ZZEF1: variants seen among roughly 807,000 people sequenced by gnomAD.
ZZEF1 encodes the protein zinc finger ZZ-type and EF-hand domain containing 1.
ZZEF1 carries 157 observed loss-of-function variants against 342.8 expected under a neutral mutation model. That is an observed-to-expected ratio of 0.46 (90% CI 0.40 to 0.52). The LOEUF is 0.52. Among genes scored for constraint, ZZEF1 ranks in the 20% least tolerant of loss-of-function variants. The pLI is 0.00. For synonymous variants in ZZEF1, 1,505 were observed against 1,429.1 expected (o/e 1.05, Z -1.20); for missense variants, 3,480 against 3,725.6 (o/e 0.93, Z 1.72).
intron 38 of ZZEF1, 131 bp downstream of exon 38, chr17:4,044,093 G>A: frequency 1.1e-6 from 1 of 927,680 alleles, no homozygotes; most frequent in Non-Finnish European, 1.7e-6. Context: ...AGCACCATCT[G>A]AACAGAACTG....
chr17:4,105,662 C>G (rs746351789), intron 7 of ZZEF1, 31 bp downstream of exon 7: 1 of 1,502,552 alleles, frequency 6.7e-7, no homozygotes, highest in South Asian at 1.2e-5. Flanking sequence ...CCATTCCTCA[C>G]AGAGTTTACC....
intron 4 of ZZEF1, among the ~76,000 whole-genome samples, chr17:4,113,137 ACT>A (rs1250294239): frequency 1.3e-5 from 2 of 152,186 alleles, no homozygotes; most frequent in African/African-American, 4.8e-5. Context: ...AACTGAGTAT[ACT>A]CTCTCATCTA....
Position 4,109,699 on chromosome 17 carries a change from T to C in ZZEF1, c.1231A>G (p.Met411Val), listed in dbSNP as rs747545522. The C allele has an allele frequency of 6.2e-7, 1 of 1,614,132 alleles. No individual in the cohort carries two copies. The change falls in exon 6 of 55, where the codon ATG becomes GTG. Residue 411 changes from methionine (M) to valine (V), a missense_variant. By Grantham distance (21) the Met-to-Val change is conservative. Coordinates refer to ENST00000381638, the MANE Select transcript of ZZEF1 (RefSeq NM_015113.4). ...SLLTSLVTASMETNPAFVQTV... is the reference protein window; with the variant it reads ...SLLTSLVTASVETNPAFVQTV... ...TGGACAAAGGCGGGATTTGTCTCCATAGAAGCCGTCACCAGAGATGTCAGC... is the reference window on the plus strand; with the variant it reads ...TGGACAAAGGCGGGATTTGTCTCCACAGAAGCCGTCACCAGAGATGTCAGC...
intron 1 of ZZEF1, among the ~76,000 whole-genome samples, chr17:4,132,467 G>A (rs9889603): frequency 6.6e-6 from 1 of 152,048 alleles, no homozygotes; most frequent in Non-Finnish European, 1.5e-5. Flanking sequence ...GGGAGGTCAA[G>A]GTGGGCGGTT....
At chr17:4,128,245 G>A (rs2058604150) in intron 1 of ZZEF1, among the ~76,000 whole-genome samples, 1 of 150,982 alleles carries the variant, frequency 6.6e-6, no homozygotes, top group Admixed American at 6.6e-5. Flanking sequence ...CTACTCAGGA[G>A]GCTGCAGCAC....
intron 39 of ZZEF1, among the ~76,000 whole-genome samples, chr17:4,035,732 A>C (rs1265258317): frequency 1.3e-5 from 2 of 152,212 alleles, no homozygotes; most frequent in South Asian, 2.1e-4. Context: ...GAGTGTTGCC[A>C]CTGAGTAGCA....
At chr17:4,027,126 A>ATC (rs1020163080) in intron 42 of ZZEF1, among the ~76,000 whole-genome samples, 1 of 151,444 alleles carries the variant, frequency 6.6e-6, no homozygotes, top group Admixed American at 6.6e-5. Context: ...ATCTCTTGAA[A>ATC]TCTCTCTCTC....
intron 46 of ZZEF1, 27 bp downstream of exon 46, chr17:4,019,642 C>A (rs2056213883): frequency 6.3e-7 from 1 of 1,598,646 alleles, no homozygotes; most frequent in South Asian, 1.1e-5. Flanking sequence ...CCTGGCCACA[C>A]TTCAGCTGCA....
Position 4,072,639 on chromosome 17 carries a change from C to T in ZZEF1, c.3803G>A (p.Trp1268Ter), listed in dbSNP as rs1435183808. The T allele has an allele frequency of 6.2e-7, 1 of 1,613,674 alleles. No individual in the cohort carries two copies. ...VCPELELEAS[W>*]PTHPHRNSKE... ...ACTATTCCGGTGTGGGTGAGTGGGCCAGCTTGCTTCTAATTCCAACTCTGG... is the reference window on the plus strand; with the variant it reads ...ACTATTCCGGTGTGGGTGAGTGGGCTAGCTTGCTTCTAATTCCAACTCTGG... Residue 1268 changes from tryptophan (W) to a stop codon, truncating the protein, a stop_gained, in exon 25 of 55, where the codon TGG (tryptophan) becomes TAG (stop). Coordinates refer to ENST00000381638, the MANE Select transcript of ZZEF1 (RefSeq NM_015113.4). LOFTEE classifies it high-confidence loss of function.
At chr17:4,134,813 C>T (rs918756664) in intron 1 of ZZEF1, among the ~76,000 whole-genome samples, 7 of 152,026 alleles carry the variant, frequency 4.6e-5, no homozygotes, top group South Asian at 2.1e-4. Context: ...CAGGGAGGGG[C>T]GTTAGGGGAA....
rs1302810902 is a variant in ZZEF1, at chr17:4,075,127, G to A, written c.3453C>T (p.Asp1151=). Reference sequence around the variant, plus strand: ...GCCATTTATCAGTGCCAACTTTTGTGTCATAGCGTGTTTTCCGACCTCTAG... The same window carrying A: ...GCCATTTATCAGTGCCAACTTTTGTATCATAGCGTGTTTTCCGACCTCTAG... ...TDARGRKTRY[D]TKVGTDKWPK... Residue 1151 remains aspartate, a synonymous_variant, in exon 23 of 55, where the codon GAC becomes GAT. Coordinates refer to ENST00000381638, the MANE Select transcript of ZZEF1 (RefSeq NM_015113.4). 1 of 1,614,216 alleles carries A rather than the reference G, an allele frequency of 6.2e-7. No homozygotes were observed. The highest frequency in any genetic ancestry group is 2.2e-5 in the East Asian group (1 of 44,890).
chr17:4,017,811 T>A lies in ZZEF1; in HGVS notation c.7641+25A>T. 6.2e-7 allele frequency: 1 copy of A among 1,614,120 alleles called. No individual in the cohort carries two copies. The highest frequency in any genetic ancestry group is 8.5e-7 in the Non-Finnish European group (1 of 1,180,030). ...GGGTGGGGGATGGGGTGCAGATACT[T>A]TGGGTCCGAGGTCGGGTGACATACC... On this transcript the variant is annotated intron_variant, in intron 47 of 54. Transcript: ENST00000381638. The surrounding 1 kb of genome is among the most constrained non-coding windows in gnomAD (Gnocchi z 5.1).
In ZZEF1 at chr17:4,057,991, T is replaced by C. The variant is rs2057202288; in HGVS notation, c.5165+3A>G. The C allele has an allele frequency of 6.2e-7, 1 of 1,614,068 alleles. No homozygotes were observed. The highest frequency in any genetic ancestry group is 2.2e-5 in the East Asian group (1 of 44,886). On this transcript the variant is annotated splice_donor_region_variant and intron_variant, in intron 32 of 54. Coordinates refer to ENST00000381638, the MANE Select transcript of ZZEF1 (RefSeq NM_015113.4). ...ACTGCAGAGCGCAGGACCGTGCTCTTACCTGATCACACTGTCATGGACACT... is the reference window on the plus strand; with the variant it reads ...ACTGCAGAGCGCAGGACCGTGCTCTCACCTGATCACACTGTCATGGACACT...
rs1334641755 is a variant in ZZEF1, at chr17:4,052,126, C to T, written c.5445G>A (p.Lys1815=). Residue 1815 remains lysine, a synonymous_variant, in exon 35 of 55, where the codon AAG becomes AAA. Transcript: ENST00000381638. ...CATGGTCGTCTCCGTGGCCCTCAGG[C>T]TTCACCCCACCTGAGGAGAAACACA... ...LCKTCFLGGV[K]PEGHGDDHEM... The T allele has an allele frequency of 4.3e-6, 7 of 1,612,180 alleles. No homozygotes were observed. The highest frequency in any genetic ancestry group is 5.1e-6 in the Non-Finnish European group (6 of 1,179,116).
At chr17:4,063,019 A>C (rs923483381) in intron 29 of ZZEF1, 102 bp from the exon 30 acceptor site, 9 of 1,240,718 alleles carry the variant, frequency 7.3e-6, no homozygotes, top group Non-Finnish European at 9.8e-6. Context: ...CAAAGAGGAA[A>C]CACTATTGTG....
At chr17:4,080,925 T>C (rs531006537) in intron 18 of ZZEF1, among the ~76,000 whole-genome samples, 2 of 152,300 alleles carry the variant, frequency 1.3e-5, no homozygotes, top group African/African-American at 4.8e-5. Context: ...TTGTGATCAT[T>C]TGTAAGAGTC....
intron 30 of ZZEF1, among the ~76,000 whole-genome samples, chr17:4,062,115 C>T (rs59572568): frequency 3.3e-5 from 5 of 151,962 alleles, no homozygotes; most frequent in African/African-American, 7.3e-5. Context: ...TAACTCCCCC[C>T]CTGGAGCCTC....
chr17:4,066,664 G>A, intron 27 of ZZEF1, 124 bp from the exon 28 acceptor site: 3 of 822,230 alleles, frequency 3.6e-6, no homozygotes, highest in South Asian at 3.1e-5. Context: ...GTATCATTTA[G>A]AGGGGTTTGT....
chr17:4,141,121 C>T (rs1474698942), intron 1 of ZZEF1, among the ~76,000 whole-genome samples: 1 of 152,098 alleles, frequency 6.6e-6, no homozygotes, highest in Non-Finnish European at 1.5e-5. Flanking sequence ...GTTGGCCAGG[C>T]TGGTCTTGAA....
Sources: allele counts gnomAD v4.1 joint callset (sites outside exome capture counted in the v4.1 genomes callset), GRCh38; gene constraint gnomAD v4.1.1; non-coding constraint Gnocchi (gnomAD v3.1); transcripts MANE v1.5; gene names NCBI Gene and HGNC (gene_info 2026-07-23, HGNC 2026-07-21).